STT3B: variants seen among roughly 807,000 people sequenced by gnomAD.
The protein encoded by STT3B is dolichyl-diphosphooligosaccharide--protein glycosyltransferase subunit STT3B.
STT3B carries 29 observed loss-of-function variants against 96.8 expected under a neutral mutation model. The observed-to-expected ratio is 0.30, with a 90% CI of 0.22 to 0.41. The LOEUF (loss-of-function observed/expected upper bound fraction) is 0.41, where lower values mean the gene tolerates loss of function less well. Ranked by LOEUF, STT3B falls within the 10% of genes least tolerant of loss-of-function variation. STT3B has a pLI of 1.00. For missense variants in STT3B, 640 were observed against 1,022.3 expected (o/e 0.63, Z 5.10); for synonymous variants, 367 against 360.0 (o/e 1.02, Z -0.22).
chr3:31,603,487 A>G (rs899260759), intron 5 of STT3B, among the ~76,000 whole-genome samples: 1 of 152,062 alleles, frequency 6.6e-6, no homozygotes, highest in Non-Finnish European at 1.5e-5. Context: ...ATTTCACTAT[A>G]TTGGGAAGTA....
intron 5 of STT3B, among the ~76,000 whole-genome samples, chr3:31,605,275 C>T (rs561055347): frequency 6.6e-6 from 1 of 151,960 alleles, no homozygotes; most frequent in Non-Finnish European, 1.5e-5. Flanking sequence ...GGAGAAATAA[C>T]ACTTGTGTGT....
intron 2 of STT3B, among the ~76,000 whole-genome samples, chr3:31,577,289 C>A (rs1445243814): frequency 1.3e-5 from 2 of 151,760 alleles, no homozygotes; most frequent in African/African-American, 4.8e-5. Context: ...TAATTTTCAA[C>A]TTTTCTTCAT....
chr3:31,535,481 C>T (rs952241134), intron 1 of STT3B, among the ~76,000 whole-genome samples: 1 of 151,894 alleles, frequency 6.6e-6, no homozygotes, highest in Non-Finnish European at 1.5e-5. Context: ...CCCAGCACTT[C>T]GGAAAGCCGA....
chr3:31,559,188 TG>T (rs1197267076), intron 1 of STT3B, among the ~76,000 whole-genome samples: 1 of 127,226 alleles, frequency 7.9e-6, no homozygotes, highest in Admixed American at 8.0e-5. Context: ...TGTGTGTGTG[TG>T]TTGTCTCTTT....
At chr3:31,610,167 AG>A (rs1699151834) in intron 5 of STT3B, among the ~76,000 whole-genome samples, 2 of 152,172 alleles carry the variant, frequency 1.3e-5, no homozygotes, top group Admixed American at 1.3e-4. Context: ...CATATCTACC[AG>A]GGTTCACAGT....
chr3:31,598,922 G>T (rs1016178729), intron 4 of STT3B, among the ~76,000 whole-genome samples: 5 of 151,740 alleles, frequency 3.3e-5, no homozygotes, highest in Non-Finnish European at 5.9e-5. Context: ...CGATTCTCCT[G>T]CCTCAGCCTC....
At chr3:31,543,227 C>T (rs867105390) in intron 1 of STT3B, among the ~76,000 whole-genome samples, 1 of 152,064 alleles carries the variant, frequency 6.6e-6, no homozygotes, top group Admixed American at 6.6e-5. Context: ...CTAACTAGGC[C>T]AGAGCCATTT....
At position 31,563,805 on chromosome 3, in the gene STT3B, T is replaced by C. The variant is rs1242672966; in HGVS notation, c.315-12591T>C. Among the ~76,000 whole-genome samples the C allele has an allele frequency of 5.3e-5, 8 of 152,144 alleles. No homozygotes were observed. In the East Asian group the frequency reaches 1.3e-3, roughly 26 times the overall value. ...TTGGTAATTGTGGAAATTAGACCCT[T>C]ATTCAGACGTTTTTTTTGAGATGGA... On this transcript the variant is annotated intron_variant, in intron 1 of 15. Transcript: ENST00000295770.
At chr3:31,612,173 C>CA (rs1423299490) in intron 5 of STT3B, among the ~76,000 whole-genome samples, 1 of 152,036 alleles carries the variant, frequency 6.6e-6, no homozygotes, top group African/African-American at 2.4e-5. Context: ...GCAAATATTC[C>CA]AAAAATCCAA....
chr3:31,553,759 A>G (rs1697627940), intron 1 of STT3B, among the ~76,000 whole-genome samples: 1 of 152,136 alleles, frequency 6.6e-6, no homozygotes, highest in Non-Finnish European at 1.5e-5. Flanking sequence ...CGAAGAAGGT[A>G]TCCTTTAGTA....
chr3:31,550,710 A>G (rs1041763449), intron 1 of STT3B, among the ~76,000 whole-genome samples: 46 of 152,160 alleles, frequency 3.0e-4, no homozygotes, highest in Admixed American at 9.2e-4. Context: ...AAAATTGGCT[A>G]TGTTTAATGT....
intron 4 of STT3B, among the ~76,000 whole-genome samples, chr3:31,599,736 T>A (rs1698884683): frequency 6.6e-6 from 1 of 152,162 alleles, no homozygotes; most frequent in South Asian, 2.1e-4. Flanking sequence ...TTTAGAATAT[T>A]CATTAATGTA....
intron 5 of STT3B, among the ~76,000 whole-genome samples, chr3:31,610,354 C>T (rs543060625): frequency 1.3e-5 from 2 of 152,222 alleles, no homozygotes; most frequent in South Asian, 2.1e-4. Flanking sequence ...TTCAAAAATG[C>T]TAATGTGATT....
chr3:31,634,022 T>C (rs1026439064), intron 15 of STT3B, among the ~76,000 whole-genome samples: 6 of 152,172 alleles, frequency 3.9e-5, no homozygotes, highest in Admixed American at 3.9e-4. Flanking sequence ...TACAGATGAT[T>C]TTAATTTGTA....
chr3:31,533,155 C>T lies in STT3B; in HGVS notation c.157C>T (p.Pro53Ser). 7.7e-7 allele frequency: 1 copy of T among 1,296,152 alleles called. No homozygotes were observed. The highest frequency in any genetic ancestry group is 9.8e-7 in the Non-Finnish European group (1 of 1,021,732). 80.3% of individuals were successfully genotyped at this position (1,296,152 alleles called of 1,614,324 possible). A position where few individuals can be genotyped will look rare whatever the true frequency, so the allele number is the denominator to read the frequency against. ...KAAGGAAPPK[P>S]APAGLSGGLS... ...GGCGGGCGGCGCGGCGCCGCCGAAG[C>T]CGGCCCCGGCGGGGCTGTCCGGGGG... Residue 53 changes from proline (P) to serine (S), a missense_variant, in exon 1 of 16, where the codon CCG (proline) becomes TCG (serine). Around this residue, in one of 8 missense-constraint regions of STT3B, gnomAD observed 89 missense variants for 81.7 expected, o/e 1.09. Coordinates refer to ENST00000295770, the MANE Select transcript of STT3B (RefSeq NM_178862.3).
At chr3:31,560,111 G>A (rs1342656198) in intron 1 of STT3B, among the ~76,000 whole-genome samples, 1 of 152,058 alleles carries the variant, frequency 6.6e-6, no homozygotes, top group East Asian at 1.9e-4. Flanking sequence ...GCAGCATATA[G>A]TTGGGTCTTT....
At chr3:31,633,392 G>T (rs1215825348) in intron 15 of STT3B, among the ~76,000 whole-genome samples, 2 of 152,172 alleles carry the variant, frequency 1.3e-5, no homozygotes, top group Non-Finnish European at 2.9e-5. Flanking sequence ...ATTGCCATTA[G>T]TAAGACTTAC....
chr3:31,606,510 C>T (rs1289613919), intron 5 of STT3B, among the ~76,000 whole-genome samples: 4 of 152,090 alleles, frequency 2.6e-5, no homozygotes, highest in African/African-American at 9.7e-5. Context: ...ACAATGGCTT[C>T]AGAGGTTGCA....
chr3:31,569,287 A>G (rs4331702), intron 1 of STT3B, among the ~76,000 whole-genome samples: 140,171 of 152,214 alleles, frequency 0.92, 64,711 homozygotes, highest in East Asian at 0.96. Flanking sequence ...CCACTACATC[A>G]GCCATATGCT....
Sources: allele counts gnomAD v4.1 joint callset (sites outside exome capture counted in the v4.1 genomes callset), GRCh38; gene constraint gnomAD v4.1.1; regional missense constraint gnomAD v4.1.1; transcripts MANE v1.5; gene names NCBI Gene and HGNC (gene_info 2026-07-23, HGNC 2026-07-21).